Variants in MTERF4 observed in about 807,000 individuals in gnomAD.
The protein encoded by MTERF4 is mitochondrial transcription termination factor 4, also known as transcription termination factor 4, mitochondrial.
MTERF4 carries 17 observed loss-of-function variants against 22.5 expected under a neutral mutation model. The observed-to-expected ratio is 0.75, with a 90% CI of 0.52 to 1.13. The LOEUF is 1.13. Ranked by LOEUF, MTERF4 falls within the 50% of genes most tolerant of loss-of-function variation. The pLI is 0.00. For synonymous variants in MTERF4, 165 were observed against 175.3 expected, an observed-to-expected ratio of 0.94 and a Z score of 0.47; for missense variants, 420 against 466.8, an observed-to-expected ratio of 0.90 and a Z score of 0.92.
At chr2:241,046,871 G>A in the MTERF4 span, among the ~76,000 whole-genome samples, 3 of 152,148 alleles carry the variant, frequency 2.0e-5, no homozygotes, top group Non-Finnish European at 4.4e-5. Flanking sequence ...AGTAGCTGGC[G>A]TGGTGGCTCA....
chr2:241,086,565 C>A (rs1419091302), downstream of MTERF4, among the ~76,000 whole-genome samples: 1 of 152,246 alleles, frequency 6.6e-6, no homozygotes, highest in African/African-American at 2.4e-5. Flanking sequence ...TGTCTGTTTT[C>A]TAACATCTGA....
Position 241,096,547 on chromosome 2 carries a change from T to A in MTERF4, c.706-109A>T. 2 of 1,243,128 alleles carry A rather than the reference T, an allele frequency of 1.6e-6. No homozygotes were observed. The highest frequency in any genetic ancestry group is 1.2e-6 in the Non-Finnish European group (1 of 849,034). 77.0% of individuals were successfully genotyped at this position (1,243,128 alleles called of 1,614,324 possible). ...ACAAAAGGATTCAAAAAGAATTGCC[T>A]AATTGACAACAGCGAATACCCAGTC... is the stretch of plus-strand genomic sequence containing the variant. On this transcript the variant is annotated intron_variant, in intron 3 of 3. Coordinates refer to ENST00000391980, the MANE Select transcript of MTERF4 (RefSeq NM_182501.4). The surrounding 1 kb of genome is among the most constrained non-coding windows in gnomAD (Gnocchi z 5.1).
rs1415286612 is a variant in MTERF4, at chr2:241,075,037, T to A, written n.1125A>T. 6.6e-6 allele frequency: 1 copy of A among 152,212 alleles called. No individual in the cohort carries two copies. The highest frequency in any genetic ancestry group is 6.5e-5 in the Admixed American group (1 of 15,274). 9.4% of individuals were successfully genotyped at this position (152,212 alleles called of 1,614,324 possible). On this transcript the variant is annotated non_coding_transcript_exon_variant, in exon 5 of 5. Transcript: ENST00000464344. The surrounding 1 kb of genome is among the most constrained non-coding windows in gnomAD (Gnocchi z 4.8). ...CATGTGTGATCGTTAGACCTGTGTT[T>A]TCACTCCGCATTCTCGGACTGAGGT... is the stretch of plus-strand genomic sequence containing the variant.
chr2:241,048,779 G>A, the MTERF4 span: 1 of 1,589,414 alleles, frequency 6.3e-7, no homozygotes, highest in South Asian at 1.1e-5. Flanking sequence ...AGGTGCCCAG[G>A]TCACCCTTCC....
chr2:241,098,233 C>G (rs1050452635), intron 2 of MTERF4, among the ~76,000 whole-genome samples: 1 of 152,184 alleles, frequency 6.6e-6, no homozygotes, highest in African/African-American at 2.4e-5. Context: ...GCTGAGTTTG[C>G]TAATTAATCA....
At chr2:241,069,821 A>T, downstream of MTERF4, 1 of 1,395,488 alleles carries the variant, frequency 7.2e-7, no homozygotes, top group Non-Finnish European at 9.8e-7. This position sits in a 1 kb window ranked among gnomAD's most constrained non-coding sequence, Gnocchi z 4.9. Flanking sequence ...TCTGGCTTCC[A>T]GCAAGGCTGC....
exon 5 of MTERF4, chr2:241,072,275 C>T (rs1218889382): frequency 5.1e-5 from 24 of 467,720 alleles, no homozygotes; most frequent in South Asian, 3.5e-4. Context: ...GAGTGTGGTC[C>T]GGCAAATCCT....
chr2:241,056,331 G>T, the MTERF4 span, among the ~76,000 whole-genome samples: 6 of 152,208 alleles, frequency 3.9e-5, no homozygotes, highest in East Asian at 9.6e-4. Context: ...GCCCAGGTTG[G>T]TCTTGAACTC....
downstream of MTERF4, chr2:241,089,950 A>T: frequency 6.5e-7 from 1 of 1,543,902 alleles, no homozygotes; most frequent in Non-Finnish European, 8.7e-7. Flanking sequence ...CTACAGTAAA[A>T]ATAGATATAA....
chr2:241,085,664 T>TG (rs1469326299), downstream of MTERF4, among the ~76,000 whole-genome samples: 1 of 152,130 alleles, frequency 6.6e-6, no homozygotes, highest in African/African-American at 2.4e-5. Flanking sequence ...TATTGGATGC[T>TG]GGGCATTGTA....
At chr2:241,085,085 G>T (rs1390281192), downstream of MTERF4, among the ~76,000 whole-genome samples, 2 of 151,988 alleles carry the variant, frequency 1.3e-5, no homozygotes, top group Non-Finnish European at 2.9e-5. Flanking sequence ...TAATTATGAT[G>T]TGCTTCTCGG....
the MTERF4 span, chr2:241,065,346 G>C: frequency 6.2e-7 from 1 of 1,612,988 alleles, no homozygotes; most frequent in Non-Finnish European, 8.5e-7. Flanking sequence ...GGAGGAGAGT[G>C]GGGTCTCTAT....
At chr2:241,098,610 C>G (rs2064560943) in intron 2 of MTERF4, among the ~76,000 whole-genome samples, 1 of 152,214 alleles carries the variant, frequency 6.6e-6, no homozygotes, top group Admixed American at 6.5e-5. Flanking sequence ...TCCCAGGAAC[C>G]TGGCCAGATC....
the MTERF4 span, among the ~76,000 whole-genome samples, chr2:241,064,599 C>A: frequency 9.8e-4 from 150 of 152,354 alleles, 2 homozygotes; most frequent in East Asian, 0.028. This position sits in a 1 kb window ranked among gnomAD's most constrained non-coding sequence, Gnocchi z 7.0. Flanking sequence ...CTGTCCTGAT[C>A]CAGTGTCTCC....
chr2:241,072,167 CTG>C, exon 5 of MTERF4: 1 of 657,500 alleles, frequency 1.5e-6, no homozygotes, highest in Non-Finnish European at 2.8e-6. Context: ...AGAAGCAGGT[CTG>C]AGACATTACA....
Position 241,097,137 on chromosome 2 carries a change from A to C in MTERF4, c.705+106T>G, listed in dbSNP as rs538426936. 28 of 1,354,430 alleles carry C rather than the reference A, an allele frequency of 2.1e-5. No homozygotes were observed. In the East Asian group the frequency reaches 2.4e-4, roughly 12 times the overall value. 83.9% of individuals were successfully genotyped at this position (1,354,430 alleles called of 1,614,324 possible). A position where few individuals can be genotyped will look rare whatever the true frequency, so the allele number is the denominator to read the frequency against. Reference sequence around the variant, plus strand: ...TGAAAAACCTGAGAAACTTGCTGTTACTACACTAATCACGGTACCAGTCAT... The same window carrying C: ...TGAAAAACCTGAGAAACTTGCTGTTCCTACACTAATCACGGTACCAGTCAT... On this transcript the variant is annotated intron_variant, in intron 3 of 3. Transcript: ENST00000391980.
intron 4 of MTERF4, among the ~76,000 whole-genome samples, chr2:241,080,706 T>C (rs1575109551): frequency 6.6e-6 from 1 of 152,346 alleles, no homozygotes; most frequent in East Asian, 1.9e-4. Context: ...CCATGAAATA[T>C]ACCAATATCT....
rs560255911 is a variant in MTERF4, at chr2:241,073,183, T to C, written n.2979A>G. 3.2e-5 allele frequency: 31 copies of C among 980,404 alleles called. No homozygotes were observed. Among genetic ancestry groups the C allele is most frequent in the Non-Finnish European group, 4.3e-5 (28 of 644,192 alleles). 60.7% of individuals were successfully genotyped at this position (980,404 alleles called of 1,614,324 possible). A position where few individuals can be genotyped will look rare whatever the true frequency, so the allele number is the denominator to read the frequency against. On this transcript the variant is annotated non_coding_transcript_exon_variant, in exon 5 of 5. Coordinates refer to the MTERF4 transcript ENST00000464344. The surrounding 1 kb of genome is among the most constrained non-coding windows in gnomAD (Gnocchi z 6.6). ...AGGGACATCCGTGCTCCCTGAGATA[T>C]AGAAGCACTCAAAAGGGTGGCCCCA... is the stretch of plus-strand genomic sequence containing the variant.
chr2:241,100,161 AG>A (rs2064639397), intron 1 of MTERF4, among the ~76,000 whole-genome samples: 1 of 152,184 alleles, frequency 6.6e-6, no homozygotes, highest in Non-Finnish European at 1.5e-5. Context: ...AGGGACATGG[AG>A]GAAGAGGGAA....
Sources: allele counts gnomAD v4.1 joint callset (sites outside exome capture counted in the v4.1 genomes callset), GRCh38; gene constraint gnomAD v4.1.1; non-coding constraint Gnocchi (gnomAD v3.1); transcripts MANE v1.5; gene names NCBI Gene and HGNC (gene_info 2026-07-23, HGNC 2026-07-21).